Variants in SASH1 observed in about 807,000 individuals in gnomAD.
The protein encoded by SASH1 is SAM and SH3 domain containing 1, also known as SAM and SH3 domain-containing protein 1.
Under a neutral mutation model 125.2 loss-of-function variants are expected in SASH1, and 44 were observed. The observed-to-expected ratio is 0.35, with a 90% confidence interval of 0.28 to 0.45. The LOEUF (loss-of-function observed/expected upper bound fraction) is 0.45. Ranked by LOEUF, SASH1 falls within the 20% of genes least tolerant of loss-of-function variation. The pLI is 1.00. For missense variants in SASH1, 1,426 were observed against 1,614.5 expected (o/e 0.88, Z 2.00); for synonymous variants, 639 against 649.1 (o/e 0.98, Z 0.24).
In SASH1 at chr6:148,509,769, G is replaced by A. The variant is rs190025604; in HGVS notation, c.730-4555G>A. The stretch of plus-strand genomic sequence containing the variant: ...GGAGAGGATGCATTTAGTGAGCTCC[G>A]GCACACAAATGTTTGTACTCACAGA... On this transcript the variant is annotated intron_variant, in intron 8 of 19. Transcript: ENST00000367467. Among the ~76,000 whole-genome samples, 27 of 152,266 alleles carry A rather than the reference G, an allele frequency of 1.8e-4. No homozygotes were observed. In the East Asian group the frequency reaches 5.0e-3, roughly 28 times the overall value.
upstream of SASH1, among the ~76,000 whole-genome samples, chr6:148,338,212 C>T (rs1402973069): frequency 1.3e-5 from 2 of 151,968 alleles, no homozygotes; most frequent in Non-Finnish European, 2.9e-5. Context: ...CACTCGAACT[C>T]GGTCAGGAGT....
chr6:148,402,982 TATC>T (rs1429791846), intron 2 of SASH1, among the ~76,000 whole-genome samples: 3 of 152,124 alleles, frequency 2.0e-5, no homozygotes, highest in Non-Finnish European at 2.9e-5. Context: ...AATGAATACT[TATC>T]ATAGATATTA....
At chr6:148,477,667 A>G (rs1208743886) in intron 7 of SASH1, among the ~76,000 whole-genome samples, 1 of 149,540 alleles carries the variant, frequency 6.7e-6, no homozygotes, top group Non-Finnish European at 1.5e-5. Context: ...CTGGGATCAC[A>G]GGTGCCTGCC....
Position 148,529,340 on chromosome 6 carries a change from G to T in SASH1, c.1428+1744G>T, listed in dbSNP as rs534567860. Among the ~76,000 whole-genome samples, 9 of 152,328 alleles carry T rather than the reference G, an allele frequency of 5.9e-5. No individual in the cohort carries two copies. The East Asian group carries it at 1.5e-3, about 26-fold the overall frequency. Reference sequence around the variant, plus strand: ...TCAGTGCTCAGGCTGAGAAACCGTGGCTTGTTAGACCTGCAGGAGATAGAT... The same window carrying T: ...TCAGTGCTCAGGCTGAGAAACCGTGTCTTGTTAGACCTGCAGGAGATAGAT... On this transcript the variant is annotated intron_variant, in intron 12 of 19. Coordinates refer to ENST00000367467, the MANE Select transcript of SASH1 (RefSeq NM_015278.5). This position sits in a 1 kb window ranked among gnomAD's most constrained non-coding sequence, Gnocchi z 4.2.
chr6:148,504,983 C>T (rs1779721495), intron 8 of SASH1, among the ~76,000 whole-genome samples: 1 of 152,172 alleles, frequency 6.6e-6, no homozygotes, highest in African/African-American at 2.4e-5. Context: ...ATGTATCCTT[C>T]CCGCCACCCT....
chr6:148,469,927 G>A (rs949068746), intron 5 of SASH1, among the ~76,000 whole-genome samples: 1 of 151,636 alleles, frequency 6.6e-6, no homozygotes, highest in Admixed American at 6.6e-5. Context: ...TCAGGAGGCT[G>A]AGGCAGGAGA....
At chr6:148,248,659 A>T in the SASH1 span, among the ~76,000 whole-genome samples, 1 of 152,332 alleles carries the variant, frequency 6.6e-6, no homozygotes, top group South Asian at 2.1e-4. Flanking sequence ...AACATTTTCA[A>T]CTTCATCAAG....
chr6:148,517,945 G>A (rs2115344287), intron 9 of SASH1, among the ~76,000 whole-genome samples: 1 of 152,332 alleles, frequency 6.6e-6, no homozygotes, highest in East Asian at 1.9e-4. Flanking sequence ...GGCGGATGGT[G>A]AAGCCACAAC....
chr6:148,353,034 G>T (rs1317384994), intron 1 of SASH1, among the ~76,000 whole-genome samples: 4 of 152,028 alleles, frequency 2.6e-5, no homozygotes, highest in Non-Finnish European at 5.9e-5. Context: ...TTTAGAATAT[G>T]AATTAATATA....
chr6:148,219,140 G>A, the SASH1 span, among the ~76,000 whole-genome samples: 1 of 152,082 alleles, frequency 6.6e-6, no homozygotes, highest in South Asian at 2.1e-4. Flanking sequence ...AGCCTTCCTA[G>A]GAATCAAACA....
intron 1 of SASH1, among the ~76,000 whole-genome samples, chr6:148,370,894 A>C (rs796983543): frequency 3.9e-5 from 6 of 152,300 alleles, no homozygotes; most frequent in African/African-American, 1.4e-4. Context: ...TCATTTTTTC[A>C]AAAATATGTA....
chr6:148,423,263 A>G (rs945000721), intron 2 of SASH1, among the ~76,000 whole-genome samples: 7 of 152,204 alleles, frequency 4.6e-5, no homozygotes, highest in Non-Finnish European at 1.0e-4. Context: ...GTGTTACATC[A>G]TTATACAACA....
intron 1 of SASH1, among the ~76,000 whole-genome samples, chr6:148,351,816 G>T (rs9498008): frequency 1.2e-4 from 12 of 96,228 alleles, no homozygotes; most frequent in Non-Finnish European, 1.9e-4. Flanking sequence ...GTTTATGTGT[G>T]TGTGTGCTTT....
At chr6:148,269,141 GA>G (rs1267389209), upstream of SASH1, among the ~76,000 whole-genome samples, 2 of 152,102 alleles carry the variant, frequency 1.3e-5, no homozygotes, top group African/African-American at 4.8e-5. Flanking sequence ...TTTACATTTG[GA>G]AAAAGTCCTT....
chr6:148,200,746 A>T, the SASH1 span, among the ~76,000 whole-genome samples: 1 of 152,198 alleles, frequency 6.6e-6, no homozygotes, highest in Admixed American at 6.5e-5. Flanking sequence ...TGGAAGAAGG[A>T]TGGAGATTTT....
intron 6 of SASH1, among the ~76,000 whole-genome samples, chr6:148,472,513 G>A (rs571675990): frequency 4.0e-5 from 6 of 151,354 alleles, no homozygotes; most frequent in African/African-American, 1.5e-4. Context: ...AGGGAAGGAG[G>A]AAGCCAACAG....
At chr6:148,401,278 G>A (rs1159335246) in intron 2 of SASH1, among the ~76,000 whole-genome samples, 3 of 151,424 alleles carry the variant, frequency 2.0e-5, no homozygotes, top group South Asian at 2.1e-4. Flanking sequence ...AAATTGATGC[G>A]GTCACATCAG....
chr6:148,238,905 G>T, the SASH1 span, among the ~76,000 whole-genome samples: 1 of 152,088 alleles, frequency 6.6e-6, no homozygotes, highest in African/African-American at 2.4e-5. Context: ...AGTCACTCTG[G>T]GATACGCTGT....
intron 2 of SASH1, among the ~76,000 whole-genome samples, chr6:148,429,315 G>A (rs1178530805): frequency 6.7e-6 from 1 of 148,552 alleles, no homozygotes; most frequent in Non-Finnish European, 1.5e-5. Flanking sequence ...GAGCCTGGGA[G>A]GTCAAGGCTG....
Sources: gnomAD v4.1 joint callset for allele counts (sites outside exome capture counted in the v4.1 genomes callset) on GRCh38, gnomAD v4.1.1 for gene constraint, Gnocchi (gnomAD v3.1) non-coding constraint, MANE v1.5 for transcripts, NCBI Gene and HGNC (gene_info 2026-07-23, HGNC 2026-07-21) for gene names.